SERINC5: variants seen among roughly 807,000 people sequenced by gnomAD.
SERINC5 encodes the protein serine incorporator 5, also known as chromosome 5 open reading frame 12.
In SERINC5, 41 loss-of-function variants were observed where a neutral mutation model predicts 63.1. The ratio of observed to expected loss-of-function variants is 0.65; its 90% CI spans 0.51 to 0.84. The LOEUF is 0.84. Ranked by LOEUF, SERINC5 falls within the 40% of genes least tolerant of loss-of-function variation. The pLI is 0.00. For synonymous variants in SERINC5, 222 were observed against 215.2 expected, an observed-to-expected ratio of 1.03 and a Z score of -0.28; for missense variants, 523 against 573.0, an observed-to-expected ratio of 0.91 and a Z score of 0.89.
chr5:80,207,838 T>C (rs769436922), intron 1 of SERINC5, among the ~76,000 whole-genome samples: 31 of 152,210 alleles, frequency 2.0e-4, no homozygotes, highest in Non-Finnish European at 2.9e-5. Context: ...TTGATATATA[T>C]ACCAGGTGGA....
At chr5:80,145,317 T>C (rs1287076172) in intron 11 of SERINC5, among the ~76,000 whole-genome samples, 1 of 151,178 alleles carries the variant, frequency 6.6e-6, no homozygotes, top group East Asian at 1.9e-4. Context: ...CACTCCAGCC[T>C]GGGTGACAAA....
intron 2 of SERINC5, among the ~76,000 whole-genome samples, chr5:80,186,825 A>G (rs2112446525): frequency 6.6e-6 from 1 of 152,238 alleles, no homozygotes; most frequent in Non-Finnish European, 1.5e-5. Flanking sequence ...AGTAGGTGAA[A>G]GTTGTAGTTG....
chr5:80,255,757 G>A, intron 1 of SERINC5, 139 bp downstream of exon 1: 1 of 705,646 alleles, frequency 1.4e-6, no homozygotes, highest in South Asian at 1.8e-5. Flanking sequence ...TGAGCGCCGC[G>A]GGGCCAGCCC....
intron 1 of SERINC5, among the ~76,000 whole-genome samples, chr5:80,222,003 T>C (rs1000153784): frequency 1.3e-5 from 2 of 151,888 alleles, no homozygotes; most frequent in Non-Finnish European, 2.9e-5. Flanking sequence ...CTTAATTAGC[T>C]AGGCGTGGTG....
At chr5:80,194,336 T>G (rs895532267) in intron 2 of SERINC5, among the ~76,000 whole-genome samples, 1 of 152,202 alleles carries the variant, frequency 6.6e-6, no homozygotes, top group Admixed American at 6.5e-5. Context: ...CAGTGTGCTC[T>G]GAACATTCAA....
intron 1 of SERINC5, among the ~76,000 whole-genome samples, chr5:80,216,006 C>A (rs1009128320): frequency 2.6e-5 from 4 of 152,178 alleles, no homozygotes; most frequent in African/African-American, 9.7e-5. Flanking sequence ...TCACAGGACC[C>A]TCTCTCTACC....
downstream of SERINC5, among the ~76,000 whole-genome samples, chr5:80,134,814 T>A (rs528771062): frequency 6.6e-6 from 1 of 152,338 alleles, no homozygotes; most frequent in South Asian, 2.1e-4. Context: ...AACAAGTGTG[T>A]TCTCACACAG....
chr5:80,225,560 T>TC (rs1751130196), intron 1 of SERINC5, among the ~76,000 whole-genome samples: 2 of 152,316 alleles, frequency 1.3e-5, no homozygotes, highest in South Asian at 2.1e-4. Flanking sequence ...GAACTCATTC[T>TC]CCTTCTTCCT....
At chr5:80,199,754 G>A (rs559281109) in intron 2 of SERINC5, among the ~76,000 whole-genome samples, 3 of 152,060 alleles carry the variant, frequency 2.0e-5, no homozygotes, top group Admixed American at 1.3e-4. Flanking sequence ...TTGGATGCAG[G>A]GCTTAATTCT....
intron 1 of SERINC5, among the ~76,000 whole-genome samples, chr5:80,252,499 T>C (rs558282640): frequency 1.3e-5 from 2 of 152,326 alleles, no homozygotes; most frequent in African/African-American, 4.8e-5. Context: ...CCATAAAGTG[T>C]TGAGTGACCA....
chr5:80,115,931 T>C (rs2112221911), intron 11 of SERINC5, among the ~76,000 whole-genome samples: 1 of 152,214 alleles, frequency 6.6e-6, no homozygotes, highest in South Asian at 2.1e-4. Context: ...AGGGAAAGCC[T>C]TGATAAGGAG....
rs969469320 is a variant in SERINC5 at position 80,202,900 on chromosome 5, T to C, written c.181A>G (p.Lys61Glu). Residue 61 changes from lysine (K) to glutamate (E), a missense_variant, in exon 2 of 12, where the codon AAG (lysine) becomes GAG (glutamate). Physicochemically the swap from Lys to Glu is moderately conservative, Grantham distance 56. Coordinates refer to ENST00000507668, the MANE Select transcript of SERINC5 (RefSeq NM_001174072.3). Reference sequence around the variant, plus strand: ...GACAAACTTACGTGCTCTTTCATCTTGTGAGCCACGGTTGTTGACATCATG... The same window carrying C: ...GACAAACTTACGTGCTCTTTCATCTCGTGAGCCACGGTTGTTGACATCATG... ...CIMMSTTVAH[K>E]MKEHIPFFED... The C allele has an allele frequency of 1.2e-6, 2 of 1,610,352 alleles. No homozygotes were observed. Among genetic ancestry groups the C allele is most frequent in the Non-Finnish European group, 1.7e-6 (2 of 1,177,050 alleles).
intron 7 of SERINC5, among the ~76,000 whole-genome samples, chr5:80,160,038 G>T (rs1164036877): frequency 1.3e-5 from 2 of 152,188 alleles, no homozygotes; most frequent in African/African-American, 4.8e-5. Flanking sequence ...GTAACTGTGG[G>T]AGCCCTAACA....
chr5:80,150,025 T>C (rs1171117348), intron 9 of SERINC5, among the ~76,000 whole-genome samples: 1 of 152,198 alleles, frequency 6.6e-6, no homozygotes, highest in Non-Finnish European at 1.5e-5. Flanking sequence ...AATGTATGTA[T>C]TGTCCATAAC....
intron 1 of SERINC5, among the ~76,000 whole-genome samples, chr5:80,218,359 G>C (rs578127898): frequency 7.2e-5 from 11 of 152,152 alleles, no homozygotes; most frequent in Non-Finnish European, 1.6e-4. Context: ...TGACCAATAT[G>C]AAGAAACCCC....
At chr5:80,111,966 G>A (rs173949) in intron 12 of SERINC5, among the ~76,000 whole-genome samples, 1 of 152,064 alleles carries the variant, frequency 6.6e-6, no homozygotes, top group Non-Finnish European at 1.5e-5. Context: ...AAAAGTCATC[G>A]CCATTCTCCA....
At chr5:80,136,284 C>CA (rs11348009), downstream of SERINC5, among the ~76,000 whole-genome samples, 3,194 of 150,572 alleles carry the variant, frequency 0.021, 112 homozygotes, top group African/African-American at 0.073. Context: ...CTCAAAAAAA[C>CA]AAAAAAAAAT....
At chr5:80,213,892 A>G (rs373438108) in intron 1 of SERINC5, among the ~76,000 whole-genome samples, 5 of 152,332 alleles carry the variant, frequency 3.3e-5, no homozygotes, top group South Asian at 2.1e-4. Context: ...TGCTTTGTCA[A>G]TTCCTGGGAA....
chr5:80,190,941 CA>C lies in SERINC5; in HGVS notation c.195+11944del, dbSNP rs1379423544. 7.9e-5 allele frequency among the ~76,000 whole-genome samples: 8 copies of C among 101,690 alleles called. No homozygotes were observed. The Admixed American group carries it at 9.4e-4, about 12-fold the overall frequency. 66.7% of individuals were successfully genotyped at this position (101,690 alleles called of 152,430 possible). On this transcript the variant is annotated intron_variant, in intron 2 of 11. Transcript: ENST00000507668. ...CCCAGACCCTCATTTTCTCCAACCC[CA>C]CTTCTTCCTGGATCACCAAATGCTT...
Sources: gnomAD v4.1 joint callset for allele counts (sites outside exome capture counted in the v4.1 genomes callset) on GRCh38, gnomAD v4.1.1 for gene constraint, MANE v1.5 for transcripts, NCBI Gene and HGNC (gene_info 2026-07-23, HGNC 2026-07-21) for gene names.